KCTD1: variants seen among roughly 807,000 people sequenced by gnomAD.
KCTD1 encodes potassium channel tetramerization domain containing 1.
Under a neutral mutation model 66.0 loss-of-function variants are expected in KCTD1, and 24 were observed. The ratio of observed to expected loss-of-function variants is 0.36; its 90% CI spans 0.26 to 0.51. The LOEUF (loss-of-function observed/expected upper bound fraction) is 0.51. Among genes scored for constraint, KCTD1 ranks in the 20% least tolerant of loss-of-function variants. The probability of loss-of-function intolerance (pLI) is 0.95; values close to 1 mark genes in which losing one functional copy is unlikely to be tolerated. For missense variants in KCTD1, 943 were observed against 1,205.2 expected (o/e 0.78, Z 3.22); for synonymous variants, 511 against 517.2 (o/e 0.99, Z 0.16).
At chr18:26,583,747 T>G (rs1412759858) in intron 1 of KCTD1, among the ~76,000 whole-genome samples, 1 of 152,232 alleles carries the variant, frequency 6.6e-6, no homozygotes, top group Non-Finnish European at 1.5e-5. Flanking sequence ...TGACATATAT[T>G]AACAGGTGTT....
At chr18:26,474,053 CT>C (rs1269971589) in intron 3 of KCTD1, among the ~76,000 whole-genome samples, 1 of 152,166 alleles carries the variant, frequency 6.6e-6, no homozygotes, top group African/African-American at 2.4e-5. Flanking sequence ...TCTTCTGGAT[CT>C]TTTTCTATGC....
Position 26,475,977 on chromosome 18 carries a change from T to C in KCTD1, c.2133+538A>G, listed in dbSNP as rs537163436. Reference sequence around the variant, plus strand: ...TAGAATCATCCATTTGAAGAAACATTGTCAGCTGCAAAAATTACATTTTCG... The same window carrying C: ...TAGAATCATCCATTTGAAGAAACATCGTCAGCTGCAAAAATTACATTTTCG... On this transcript the variant is annotated intron_variant, in intron 3 of 4. Coordinates refer to ENST00000580059, the MANE Select transcript of KCTD1 (RefSeq NM_001142730.3). Among the ~76,000 whole-genome samples, 67 of 152,366 alleles carry C rather than the reference T, an allele frequency of 4.4e-4. 1 individual carries two copies. Among genetic ancestry groups the C allele is most frequent in the African/African-American group, 1.3e-3 (53 of 41,592 alleles).
At chr18:26,483,087 C>T (rs1401182826) in intron 2 of KCTD1, among the ~76,000 whole-genome samples, 1 of 152,176 alleles carries the variant, frequency 6.6e-6, no homozygotes, top group Non-Finnish European at 1.5e-5. Context: ...AGGCTACTTA[C>T]AAATGACATC....
In KCTD1 at chr18:26,476,290, A is replaced by G. The variant is rs934182466; in HGVS notation, c.2133+225T>C. ...TAATCAACTCCTTTTCAATTTGTTC[A>G]AGTGAATTATAATTCAATTCTTTAA... On this transcript the variant is annotated intron_variant, in intron 3 of 4. Transcript: ENST00000580059. The surrounding 1 kb of genome is among the most constrained non-coding windows in gnomAD (Gnocchi z 4.9). 6.6e-6 allele frequency among the ~76,000 whole-genome samples: 1 copy of G among 152,198 alleles called. No homozygotes were observed. Among genetic ancestry groups the G allele is most frequent in the African/African-American group, 2.4e-5 (1 of 41,436 alleles).
chr18:26,590,054 A>AT (rs2144941798), intron 1 of KCTD1, among the ~76,000 whole-genome samples: 1 of 152,230 alleles, frequency 6.6e-6, no homozygotes, highest in Non-Finnish European at 1.5e-5. Flanking sequence ...CTATCTCTGT[A>AT]CTTCATAAGT....
At chr18:26,636,264 G>C (rs137859830) in intron 1 of KCTD1, among the ~76,000 whole-genome samples, 1 of 152,160 alleles carries the variant, frequency 6.6e-6, no homozygotes, top group African/African-American at 2.4e-5. Flanking sequence ...TGGCGGTCTG[G>C]TTGCTGGTTT....
intron 1 of KCTD1, among the ~76,000 whole-genome samples, chr18:26,559,519 C>G (rs1985795192): frequency 6.6e-6 from 1 of 152,328 alleles, no homozygotes; most frequent in African/African-American, 2.4e-5. Flanking sequence ...CTGCTGGTTC[C>G]TGGACCCCAT....
In KCTD1 at chr18:26,501,245, A is replaced by G. The variant is rs1982746508; in HGVS notation, c.1815T>C (p.Ser605=). The change falls in exon 2 of 5, where the codon AGT becomes AGC. Residue 605 remains serine (S), a synonymous_variant. Transcript: ENST00000580059. ...SPAIVSPTQD[S]RPNMSRPLIT... ...TCAGAGGTCTTGACATATTGGGCCGACTGTCCTACAGAGAGATAAGCAAGT... is the reference window on the plus strand; with the variant it reads ...TCAGAGGTCTTGACATATTGGGCCGGCTGTCCTACAGAGAGATAAGCAAGT... 3 of 1,614,028 alleles carry G rather than the reference A, an allele frequency of 1.9e-6. No individual in the cohort carries two copies. Among genetic ancestry groups the G allele is most frequent in the East Asian group, 2.2e-5 (1 of 44,890 alleles).
At chr18:26,583,212 G>A (rs1986394962) in intron 1 of KCTD1, among the ~76,000 whole-genome samples, 1 of 151,862 alleles carries the variant, frequency 6.6e-6, no homozygotes, top group Admixed American at 6.6e-5. Context: ...TGGACAACAT[G>A]GTGAAACCCT....
intron 1 of KCTD1, among the ~76,000 whole-genome samples, chr18:26,558,413 A>G (rs1985760302): frequency 6.6e-6 from 1 of 152,210 alleles, no homozygotes; most frequent in Non-Finnish European, 1.5e-5. Flanking sequence ...TCAAAAAACT[A>G]AAAATAGAGC....
chr18:26,589,305 C>T (rs79467136), intron 1 of KCTD1, among the ~76,000 whole-genome samples: 258 of 152,328 alleles, frequency 1.7e-3, no homozygotes, highest in African/African-American at 5.8e-3. Context: ...GAATGAATAA[C>T]AACATTAACT....
chr18:26,509,392 AT>A lies in KCTD1; in HGVS notation c.1810-8143del, dbSNP rs890330142. Among the ~76,000 whole-genome samples the A allele has an allele frequency of 1.2e-4, 18 of 151,856 alleles. No homozygotes were observed. In the South Asian group the frequency reaches 1.7e-3, roughly 14 times the overall value. On this transcript the variant is annotated intron_variant, in intron 1 of 4. Coordinates refer to ENST00000580059, the MANE Select transcript of KCTD1 (RefSeq NM_001142730.3). ...TTCTTTTTTTTAAGAATATAATAAA[AT>A]TTTTTTTAATTTTATTTTTGACACT... is the stretch of plus-strand genomic sequence containing the variant.
intron 1 of KCTD1, among the ~76,000 whole-genome samples, chr18:26,606,908 A>G (rs1343834369): frequency 1.3e-5 from 2 of 152,362 alleles, no homozygotes; most frequent in East Asian, 3.9e-4. Flanking sequence ...CTTCACCTTA[A>G]AATGCCTATT....
At chr18:26,491,170 C>T (rs142148212) in intron 2 of KCTD1, among the ~76,000 whole-genome samples, 4 of 152,222 alleles carry the variant, frequency 2.6e-5, no homozygotes, top group African/African-American at 7.2e-5. Context: ...TTGAGTGTCG[C>T]ACTGGTTGTT....
chr18:26,614,907 T>C (rs959835701), intron 1 of KCTD1, among the ~76,000 whole-genome samples: 1 of 152,248 alleles, frequency 6.6e-6, no homozygotes, highest in African/African-American at 2.4e-5. Context: ...ACTTAGTAGC[T>C]TTCACTAACA....
chr18:26,549,266 G>C (rs1173334139), upstream of KCTD1: 1 of 985,890 alleles, frequency 1.0e-6, no homozygotes, highest in African/African-American at 1.8e-5. Flanking sequence ...AGGCGCGGGG[G>C]CCTGGGGCCA....
rs1985360133 is a variant in KCTD1, at chr18:26,548,275, C to T, written c.262G>A (p.Asp88Asn). ...TCCTCCTCTTCCTCCTCCTCCTCGT[C>T]CTCCTCCAGCCCCCCACCTCCGTCC... ...EEDGGGGLEEDEEEEEEEEMG... is the reference protein window; with the variant it reads ...EEDGGGGLEENEEEEEEEEMG... Residue 88 changes from aspartate to asparagine, a missense_variant, in exon 1 of 5, where the codon GAC (aspartate) becomes AAC (asparagine). Coordinates refer to ENST00000580059, the MANE Select transcript of KCTD1 (RefSeq NM_001142730.3). 1 of 1,513,462 alleles carries T rather than the reference C, an allele frequency of 6.6e-7. No homozygotes were observed. Among genetic ancestry groups the T allele is most frequent in the Non-Finnish European group, 8.8e-7 (1 of 1,134,372 alleles). 93.8% of individuals were successfully genotyped at this position (1,513,462 alleles called of 1,614,324 possible). A position where few individuals can be genotyped will look rare whatever the true frequency, so the allele number is the denominator to read the frequency against.
intron 1 of KCTD1, among the ~76,000 whole-genome samples, chr18:26,597,115 G>A (rs1036253926): frequency 6.6e-6 from 1 of 152,146 alleles, no homozygotes; most frequent in African/African-American, 2.4e-5. Context: ...GGAGTCCCAT[G>A]GGGTGAGGAG....
intron 1 of KCTD1, among the ~76,000 whole-genome samples, chr18:26,597,186 G>A (rs886802592): frequency 6.6e-6 from 1 of 151,998 alleles, no homozygotes; most frequent in African/African-American, 2.4e-5. Flanking sequence ...GTTGAGGAGG[G>A]TACCCCCAGA....
Sources: gnomAD v4.1 joint callset for allele counts (sites outside exome capture counted in the v4.1 genomes callset) on GRCh38, gnomAD v4.1.1 for gene constraint, Gnocchi (gnomAD v3.1) non-coding constraint, MANE v1.5 for transcripts, NCBI Gene and HGNC (gene_info 2026-07-23, HGNC 2026-07-21) for gene names.